The following CCP110 variants were observed in gnomAD, a reference collection of about 807,000 sequenced individuals.
CCP110 encodes the protein centriolar coiled-coil protein of 110 kDa.
Under a neutral mutation model 105.5 loss-of-function variants are expected in CCP110, and 43 were observed. That is an observed-to-expected ratio of 0.41 (90% CI 0.32 to 0.53). The LOEUF (loss-of-function observed/expected upper bound fraction) is 0.53, where lower values mean the gene tolerates loss of function less well. Ranked by LOEUF, CCP110 falls within the 20% of genes least tolerant of loss-of-function variation. The pLI, the probability that CCP110 is intolerant of heterozygous loss-of-function variation, is 0.32. For synonymous variants in CCP110, 353 were observed against 392.1 expected, an observed-to-expected ratio of 0.90 and a Z score of 1.18; for missense variants, 1,016 against 1,189.1, an observed-to-expected ratio of 0.85 and a Z score of 2.14.
At chr16:19,530,032 A>G (rs996485082) in intron 2 of CCP110, among the ~76,000 whole-genome samples, 9 of 151,960 alleles carry the variant, frequency 5.9e-5, no homozygotes, top group African/African-American at 1.9e-4. Context: ...TCTCATCCCT[A>G]CAAAAAATAC....
chr16:19,550,736 T>C (rs1304256696), intron 14 of CCP110, among the ~76,000 whole-genome samples: 1 of 152,272 alleles, frequency 6.6e-6, no homozygotes, highest in Non-Finnish European at 1.5e-5. Flanking sequence ...TGTTAAAGTA[T>C]GCTGCAAAGC....
At chr16:19,542,481 C>CCA in intron 6 of CCP110, 140 bp from the exon 7 acceptor site, 1 of 632,970 alleles carries the variant, frequency 1.6e-6, no homozygotes. Flanking sequence ...CTTTAAAGTC[C>CCA]ATAAATATTT....
chr16:19,527,970 C>A, exon 2 of CCP110: 1 of 1,613,532 alleles, frequency 6.2e-7, no homozygotes, highest in Non-Finnish European at 8.5e-7. Flanking sequence ...CCTGCTCAGT[C>A]TGAAAGTATC....
At chr16:19,529,813 A>G (rs1969798284) in intron 2 of CCP110, among the ~76,000 whole-genome samples, 1 of 152,068 alleles carries the variant, frequency 6.6e-6, no homozygotes, top group Non-Finnish European at 1.5e-5. Context: ...TATTCCCCCA[A>G]TCTGGATCCA....
intron 11 of CCP110, chr16:19,546,110 T>C: frequency 1.9e-6 from 1 of 535,704 alleles, no homozygotes. Flanking sequence ...ATTCAACTCA[T>C]ATAACTGATA....
Position 19,542,774 on chromosome 16 carries a change from A to G in CCP110, c.2367+14A>G. 6.2e-7 allele frequency: 1 copy of G among 1,604,924 alleles called. No individual in the cohort carries two copies. The highest frequency in any genetic ancestry group is 8.5e-7 in the Non-Finnish European group (1 of 1,171,716). ...AGATGGTCTCAAGTGGGTAAACTTA[A>G]TGATACATGTCCATCTATCTATTTA... On this transcript the variant is annotated intron_variant, in intron 7 of 14. Coordinates refer to ENST00000381396, the Ensembl canonical transcript of CCP110.
At chr16:19,530,082 A>C (rs556861530) in intron 2 of CCP110, among the ~76,000 whole-genome samples, 9 of 152,046 alleles carry the variant, frequency 5.9e-5, no homozygotes, top group African/African-American at 1.2e-4. Context: ...CAGGAGTCTC[A>C]GCTGCTCTAG....
At chr16:19,527,834 G>A (rs760223302) in intron 1 of CCP110, 33 bp from the exon 2 acceptor site, 18 of 1,567,006 alleles carry the variant, frequency 1.1e-5, no homozygotes, top group Non-Finnish European at 1.4e-5. Flanking sequence ...GTTTTTCCCA[G>A]TACATTAAAA....
exon 3 of CCP110, chr16:19,532,446 C>A (rs1219530666): frequency 1.2e-6 from 2 of 1,602,502 alleles, no homozygotes; most frequent in African/African-American, 1.3e-5. Flanking sequence ...GGAAATGCAA[C>A]AAGAAAAGCA....
chr16:19,542,377 C>T (rs886137900), intron 6 of CCP110, among the ~76,000 whole-genome samples: 1 of 152,228 alleles, frequency 6.6e-6, no homozygotes, highest in South Asian at 2.1e-4. Flanking sequence ...TCTTGAATTA[C>T]CTCTAATTCC....
Position 19,542,618 on chromosome 16 carries a change from T to A in CCP110, c.2228-3T>A. Reference sequence around the variant, plus strand: ...GTATAATACTATATGTATGTTTCTCTAGGTTTCACAAATTCTGCCATGCAA... The same window carrying A: ...GTATAATACTATATGTATGTTTCTCAAGGTTTCACAAATTCTGCCATGCAA... On this transcript the variant is annotated splice_polypyrimidine_tract_variant and splice_region_variant and intron_variant, in intron 6 of 14. Coordinates refer to ENST00000381396, the Ensembl canonical transcript of CCP110. 6.2e-7 allele frequency: 1 copy of A among 1,602,322 alleles called. No homozygotes were observed. Among genetic ancestry groups the A allele is most frequent in the Non-Finnish European group, 8.6e-7 (1 of 1,169,512 alleles).
exon 5 of CCP110, chr16:19,540,714 T>A: frequency 1.2e-6 from 2 of 1,613,006 alleles, no homozygotes; most frequent in Non-Finnish European, 1.7e-6. Context: ...CGGAAGAGAC[T>A]AGAAGAACAG....
At chr16:19,536,876 G>C (rs1054480188) in exon 4 of CCP110, 2 of 1,613,920 alleles carry the variant, frequency 1.2e-6, no homozygotes, top group Non-Finnish European at 1.7e-6. Flanking sequence ...AAGCCCTAAA[G>C]GAAAAGAACA....
In CCP110 at chr16:19,540,642, CAT is replaced by C. The variant is rs1471772146; in HGVS notation, c.1919-14_1919-13del. 3 of 1,603,008 alleles carry C rather than the reference CAT, an allele frequency of 1.9e-6. No individual in the cohort carries two copies. The highest frequency in any genetic ancestry group is 1.7e-5 in the Admixed American group (1 of 58,324). On this transcript the variant is annotated splice_polypyrimidine_tract_variant and intron_variant, in intron 4 of 14. Transcript: ENST00000381396. ...TTGTGAATTTTCTAAATTGAGGAAA[CAT>C]GTTTCTTTTCAGAAAGCGAGGAGTT...
At chr16:19,526,253 C>G (rs1028415152) in intron 1 of CCP110, 9 of 152,060 alleles carry the variant, frequency 5.9e-5, no homozygotes, top group Admixed American at 2.6e-4. Flanking sequence ...AATAATTTCC[C>G]TCACTTCTAA....
rs777077544 is a variant in CCP110, at chr16:19,542,609, A to G, written c.2228-12A>G. ...TGACATCAAGTATAATACTATATGTATGTTTCTCTAGGTTTCACAAATTCT... is the reference window on the plus strand; with the variant it reads ...TGACATCAAGTATAATACTATATGTGTGTTTCTCTAGGTTTCACAAATTCT... On this transcript the variant is annotated splice_polypyrimidine_tract_variant and intron_variant, in intron 6 of 14. Coordinates refer to ENST00000381396, the Ensembl canonical transcript of CCP110. The G allele has an allele frequency of 1.3e-6, 2 of 1,583,582 alleles. No individual in the cohort carries two copies. The highest frequency in any genetic ancestry group is 1.7e-5 in the Admixed American group (1 of 59,962).
At chr16:19,544,016 C>T (rs1333602571) in intron 8 of CCP110, among the ~76,000 whole-genome samples, 2 of 152,072 alleles carry the variant, frequency 1.3e-5, no homozygotes, top group African/African-American at 4.8e-5. Flanking sequence ...TCTTTGTGAC[C>T]TACTCCCTGT....
chr16:19,527,395 C>A (rs1969711314), intron 1 of CCP110, among the ~76,000 whole-genome samples: 1 of 151,730 alleles, frequency 6.6e-6, no homozygotes, highest in Admixed American at 6.6e-5. Context: ...TGAGAGTAAC[C>A]TCTGAACTTC....
chr16:19,546,952 T>A (rs1970482028), intron 12 of CCP110: 1 of 155,684 alleles, frequency 6.4e-6, no homozygotes, highest in African/African-American at 2.4e-5. Context: ...TCAAGATTCA[T>A]ACCAATACCT....
Sources: gnomAD v4.1 joint callset for allele counts (sites outside exome capture counted in the v4.1 genomes callset) on GRCh38, gnomAD v4.1.1 for gene constraint, MANE v1.5 for transcripts, NCBI Gene and HGNC (gene_info 2026-07-23, HGNC 2026-07-21) for gene names.